ZBTB7A: variants seen among roughly 807,000 people sequenced by gnomAD.
ZBTB7A encodes the protein zinc finger and BTB domain-containing protein 7A.
In ZBTB7A, 7 loss-of-function variants were observed where a neutral mutation model predicts 26.7. The ratio of observed to expected loss-of-function variants is 0.26; its 90% CI spans 0.15 to 0.49. The LOEUF is 0.49. ZBTB7A is among the 20% of genes least tolerant of loss of function. ZBTB7A has a pLI of 0.98. For synonymous variants in ZBTB7A, 452 were observed against 441.0 expected (o/e 1.02, Z -0.31); for missense variants, 617 against 919.5 (o/e 0.67, Z 4.25).
rs1464136185 is a variant in ZBTB7A at position 4,054,809 on chromosome 19, G to A, written c.424C>T (p.Gln142Ter). 1 of 1,593,494 alleles carries A rather than the reference G, an allele frequency of 6.3e-7. No homozygotes were observed. The highest frequency in any genetic ancestry group is 1.3e-5 in the African/African-American group (1 of 74,480). ...LAADAGADAG[Q>*]LDLVDQIDQR... ...TCAATTTGATCTACAAGGTCCAGCTGCCCGGCGTCGGCGCCCGCGTCGGCC... is the reference window on the plus strand; with the variant it reads ...TCAATTTGATCTACAAGGTCCAGCTACCCGGCGTCGGCGCCCGCGTCGGCC... Residue 142 changes from glutamine (Q) to a stop codon, truncating the protein, a stop_gained, in exon 2 of 3, where the codon CAG becomes TAG. Coordinates refer to ENST00000322357, the MANE Select transcript of ZBTB7A (RefSeq NM_015898.4). LOFTEE classifies it high-confidence loss of function.
intron 1 of ZBTB7A, among the ~76,000 whole-genome samples, chr19:4,057,658 A>G (rs945415194): frequency 6.2e-5 from 9 of 145,942 alleles, no homozygotes; most frequent in African/African-American, 2.3e-4. Flanking sequence ...GCGCGGGCCT[A>G]TAGTCCCAGC....
rs973996720 is a variant in ZBTB7A at position 4,045,251 on chromosome 19, C to G, written c.*2501G>C. 3 of 151,954 alleles carry G rather than the reference C, an allele frequency of 2.0e-5. No individual in the cohort carries two copies. Among genetic ancestry groups the G allele is most frequent in the African/African-American group, 7.3e-5 (3 of 41,318 alleles). 9.4% of individuals were successfully genotyped at this position (151,954 alleles called of 1,614,324 possible). ...GAGTTGGTTTTATTGCGAGGGGGTG[C>G]ATGGATAGGGGAAGGTGGAAAGAGG... On this transcript the variant is annotated 3_prime_UTR_variant, in exon 3 of 3. Transcript: ENST00000322357. The surrounding 1 kb of genome is among the most constrained non-coding windows in gnomAD (Gnocchi z 4.1).
chr19:4,053,910 G>A (rs2040536726), intron 2 of ZBTB7A, 61 bp downstream of exon 2: 6 of 1,522,046 alleles, frequency 3.9e-6, no homozygotes, highest in African/African-American at 1.4e-5. Context: ...GGGAGGGGTC[G>A]TGAGCGGCGG....
chr19:4,050,681 G>C (rs2040493614), intron 2 of ZBTB7A, among the ~76,000 whole-genome samples: 1 of 152,170 alleles, frequency 6.6e-6, no homozygotes, highest in Admixed American at 6.5e-5. Flanking sequence ...GGCTCAATGA[G>C]GATCGTGCAC....
At chr19:4,066,432 G>C (rs540838963) in intron 1 of ZBTB7A, among the ~76,000 whole-genome samples, 6 of 150,590 alleles carry the variant, frequency 4.0e-5, no homozygotes, top group Admixed American at 6.6e-5. Flanking sequence ...GGGTTGGGGG[G>C]GGCTGGCGCA....
chr19:4,049,460 C>T (rs950508462), intron 2 of ZBTB7A, among the ~76,000 whole-genome samples: 17 of 151,598 alleles, frequency 1.1e-4, no homozygotes, highest in Non-Finnish European at 2.1e-4. Context: ...AGACCTTTGC[C>T]GAGCGCCCGC....
rs775895609 is a variant in ZBTB7A, at chr19:4,054,330, G to A, written c.903C>T (p.Ala301=). 27 of 1,512,700 alleles carry A rather than the reference G, an allele frequency of 1.8e-5. No homozygotes were observed. In the South Asian group the frequency reaches 2.9e-4, roughly 16 times the overall value. 93.7% of individuals were successfully genotyped at this position (1,512,700 alleles called of 1,614,324 possible). The change falls in exon 2 of 3, where the codon GCC becomes GCT. Residue 301 remains alanine, a synonymous_variant. Transcript: ENST00000322357. ...GDSPGFLSGA[A]EGEDGDGPDV... ...CGGGCCCGTCCCCGTCCTCGCCCTCGGCCGCTCCCGACAGGAAGCCCGGAG... is the reference window on the plus strand; with the variant it reads ...CGGGCCCGTCCCCGTCCTCGCCCTCAGCCGCTCCCGACAGGAAGCCCGGAG...
rs1478273294 is a variant in ZBTB7A, at chr19:4,043,310, A to G, written c.*4442T>C. Among the ~76,000 whole-genome samples the G allele has an allele frequency of 6.7e-6, 1 of 149,628 alleles. No homozygotes were observed. Among genetic ancestry groups the G allele is most frequent in the African/African-American group, 2.4e-5 (1 of 40,892 alleles). On this transcript the variant is annotated 3_prime_UTR_variant, in exon 3 of 3. Transcript: ENST00000322357. Reference sequence around the variant, plus strand: ...GGCGACTGAGGCGGCAGCGGTCGTAACAGGCTGCGTTTAGTGGTTCTTTTT... The same window carrying G: ...GGCGACTGAGGCGGCAGCGGTCGTAGCAGGCTGCGTTTAGTGGTTCTTTTT...
In ZBTB7A at chr19:4,054,879, G is replaced by A. The variant is rs377496407; in HGVS notation, c.354C>T (p.Ala118=). 1.2e-6 allele frequency: 2 copies of A among 1,607,714 alleles called. No individual in the cohort carries two copies. The highest frequency in any genetic ancestry group is 1.7e-4 in the Middle Eastern group (1 of 6,048). The change falls in exon 2 of 3, where the codon GCC becomes GCT. Residue 118 remains alanine (A), a synonymous_variant. Transcript: ENST00000322357. ...LSAARLLEIP[A]VSHVCADLLD... Reference sequence around the variant, plus strand: ...GGAGGTCGGCGCACACGTGGCTCACGGCGGGGATCTCCAGCAGGCGGGCGG... The same window carrying A: ...GGAGGTCGGCGCACACGTGGCTCACAGCGGGGATCTCCAGCAGGCGGGCGG...
At chr19:4,056,880 A>T (rs541275849) in intron 1 of ZBTB7A, among the ~76,000 whole-genome samples, 2 of 151,858 alleles carry the variant, frequency 1.3e-5, no homozygotes, top group African/African-American at 4.8e-5. Flanking sequence ...AAAAAAAATC[A>T]GCCAGGCGTG....
intron 2 of ZBTB7A, among the ~76,000 whole-genome samples, chr19:4,053,030 A>G (rs2144986235): frequency 6.6e-6 from 1 of 152,372 alleles, no homozygotes; most frequent in East Asian, 1.9e-4. Flanking sequence ...CGGGAAACTC[A>G]GAAGCCGCTC....
chr19:4,057,768 C>T (rs1340691365), intron 1 of ZBTB7A, among the ~76,000 whole-genome samples: 3 of 138,530 alleles, frequency 2.2e-5, no homozygotes, highest in African/African-American at 5.7e-5. Flanking sequence ...GGTGACAGAG[C>T]GAGACTCGTC....
intron 2 of ZBTB7A, among the ~76,000 whole-genome samples, chr19:4,050,924 C>T (rs893936910): frequency 1.3e-5 from 2 of 151,660 alleles, no homozygotes; most frequent in African/African-American, 4.8e-5. Context: ...CGTGGTGAAA[C>T]CCCGTCTCTA....
chr19:4,049,148 A>ATGTGTG (rs141419678), intron 2 of ZBTB7A, among the ~76,000 whole-genome samples: 2,104 of 41,444 alleles, frequency 0.051, 239 homozygotes, highest in Non-Finnish European at 0.079. Flanking sequence ...ATTAAACTAT[A>ATGTGTG]TGTGTGTGTG....
In ZBTB7A at chr19:4,044,820, T is replaced by A. The variant is rs2040394454; in HGVS notation, c.*2932A>T. On this transcript the variant is annotated 3_prime_UTR_variant, in exon 3 of 3. Coordinates refer to ENST00000322357, the MANE Select transcript of ZBTB7A (RefSeq NM_015898.4). ...GAGTCAACACGACCCTCCTCAAATA[T>A]CATTTTTTTTTGTTTGTTTGTTTCC... 1 of 151,376 alleles carries A rather than the reference T, an allele frequency of 6.6e-6. No individual in the cohort carries two copies. Among genetic ancestry groups the A allele is most frequent in the African/African-American group, 2.4e-5 (1 of 40,866 alleles). The allele number at this position is 151,376 out of a possible 1,614,324, so 9.4% of individuals were successfully genotyped here.
At chr19:4,051,408 A>C (rs1255038687) in intron 2 of ZBTB7A, among the ~76,000 whole-genome samples, 1 of 152,110 alleles carries the variant, frequency 6.6e-6, no homozygotes, top group East Asian at 1.9e-4. Flanking sequence ...CCTAATTCCC[A>C]AAGACCTGGC....
In ZBTB7A at chr19:4,048,264, C is replaced by T. The variant is rs762241835; in HGVS notation, c.1263-20G>A. On this transcript the variant is annotated intron_variant, in intron 2 of 2. Coordinates refer to ENST00000322357, the MANE Select transcript of ZBTB7A (RefSeq NM_015898.4). The surrounding 1 kb of genome is among the most constrained non-coding windows in gnomAD (Gnocchi z 6.7). The stretch of plus-strand genomic sequence containing the variant: ...TCCTGCCTGTGGACGGGGCACGGGG[C>T]GGGCACGGTCAGTGGGGCCGGGGAC... 13 of 1,556,474 alleles carry T rather than the reference C, an allele frequency of 8.4e-6. No individual in the cohort carries two copies. In the Admixed American group the frequency reaches 9.6e-5, roughly 11 times the overall value.
chr19:4,056,753 G>A (rs539796900), intron 1 of ZBTB7A, among the ~76,000 whole-genome samples: 1 of 152,216 alleles, frequency 6.6e-6, no homozygotes, highest in South Asian at 2.1e-4. Flanking sequence ...TGTAATCCCA[G>A]CTACTCGGGA....
intron 1 of ZBTB7A, among the ~76,000 whole-genome samples, chr19:4,064,516 C>T (rs1161825616): frequency 6.6e-6 from 1 of 152,264 alleles, no homozygotes; most frequent in South Asian, 2.1e-4. Context: ...GGGCCCCTGC[C>T]CCAGCCTGGC....
Sources: gnomAD v4.1 joint callset for allele counts (sites outside exome capture counted in the v4.1 genomes callset) on GRCh38, gnomAD v4.1.1 for gene constraint, Gnocchi (gnomAD v3.1) non-coding constraint, MANE v1.5 for transcripts, NCBI Gene and HGNC (gene_info 2026-07-23, HGNC 2026-07-21) for gene names.